EFCC1: variants seen among roughly 807,000 people sequenced by gnomAD.
The protein encoded by EFCC1 is EF-hand and coiled-coil domain containing 1, also known as EF-hand and coiled-coil domain-containing protein 1.
Under a neutral mutation model 52.1 loss-of-function variants are expected in EFCC1, and 50 were observed. The ratio of observed to expected loss-of-function variants is 0.96; its 90% CI spans 0.76 to 1.21. The LOEUF (loss-of-function observed/expected upper bound fraction) is 1.21, where lower values mean the gene tolerates loss of function less well. Ranked by LOEUF, EFCC1 falls within the 50% of genes most tolerant of loss-of-function variation. The pLI is 0.00. For synonymous variants in EFCC1, 399 were observed against 396.5 expected, an observed-to-expected ratio of 1.01 and a Z score of -0.08; for missense variants, 837 against 867.3, an observed-to-expected ratio of 0.97 and a Z score of 0.44.
In EFCC1 at chr3:129,034,320, T is replaced by TAGAG. The variant is rs758937555; in HGVS notation, c.1443_1444insAGAG (p.Glu482ArgfsTer15). 3 of 1,613,694 alleles carry TAGAG rather than the reference T, an allele frequency of 1.9e-6. No homozygotes were observed. The highest frequency in any genetic ancestry group is 2.5e-6 in the Non-Finnish European group (3 of 1,179,882). On this transcript the variant is annotated frameshift_variant, in exon 5 of 8. Transcript: ENST00000683648. LOFTEE classifies it high-confidence loss of function. ...GCGGTGGGAGGACCCTGGGGACCTC[T>TAGAG]GAGGAGGAGGTCAGCAGAGCCTAGA...
At chr3:129,020,900 T>C (rs1430004721) in intron 2 of EFCC1, among the ~76,000 whole-genome samples, 2 of 152,088 alleles carry the variant, frequency 1.3e-5, no homozygotes, top group Admixed American at 1.3e-4. Flanking sequence ...AGCCTCCAAG[T>C]CCAAACCCAC....
intron 2 of EFCC1, 25 bp downstream of exon 2, chr3:129,004,102 C>A: frequency 1.4e-6 from 2 of 1,466,396 alleles, no homozygotes; most frequent in Non-Finnish European, 1.8e-6. Context: ...GTGCCCTGGG[C>A]CCAAGTTCCC....
rs762773396 is a variant in EFCC1, at chr3:129,037,019, C to T, written c.1495C>T (p.Leu499=). 1 of 1,613,976 alleles carries T rather than the reference C, an allele frequency of 6.2e-7. No individual in the cohort carries two copies. Among genetic ancestry groups the T allele is most frequent in the Non-Finnish European group, 8.5e-7 (1 of 1,180,000 alleles). The change falls in exon 6 of 8, where the codon CTG becomes TTG. Residue 499 remains leucine, a synonymous_variant. Transcript: ENST00000683648. The part of the protein sequence containing the change: ...QKVEENEHLR[L]ELQMVETERV... ...GGTGGAAGAGAATGAGCACCTGAGG[C>T]TGGAGCTGCAGATGGTAGAGACCGA... is the stretch of plus-strand genomic sequence containing the variant.
At position 129,001,619 on chromosome 3, in the gene EFCC1, C is replaced by CCT; in HGVS notation, c.-10_-9insCT. The CCT allele has an allele frequency of 7.4e-7, 1 of 1,351,188 alleles. No homozygotes were observed. Among genetic ancestry groups the CCT allele is most frequent in the Non-Finnish European group, 9.5e-7 (1 of 1,056,764 alleles). The allele number at this position is 1,351,188 out of a possible 1,614,324, so 83.7% of individuals were successfully genotyped here. A position where few individuals can be genotyped will look rare whatever the true frequency, so the allele number is the denominator to read the frequency against. On this transcript the variant is annotated 5_prime_UTR_variant, in exon 1 of 8. Coordinates refer to ENST00000683648, the MANE Select transcript of EFCC1 (RefSeq NM_001377500.1). ...GGAGGGACCGGAGGAGCGAGGCGCG[C>CCT]GGCGCAGCGATGGAGCCGGTCAGCA...
intron 5 of EFCC1, among the ~76,000 whole-genome samples, chr3:129,035,447 G>A (rs1576785201): frequency 6.6e-6 from 1 of 152,334 alleles, no homozygotes; most frequent in Admixed American, 6.5e-5. Flanking sequence ...AGTCACTGGG[G>A]GCAGGAGGGA....
intron 2 of EFCC1, 75 bp downstream of exon 2, chr3:129,004,152 C>T: frequency 7.3e-7 from 1 of 1,365,806 alleles, no homozygotes. Context: ...GGTGTGCAAT[C>T]CCCCTCCCAC....
intron 2 of EFCC1, among the ~76,000 whole-genome samples, chr3:129,007,187 A>G (rs725132): frequency 0.071 from 10,876 of 152,230 alleles, 1,037 homozygotes; most frequent in African/African-American, 0.22. Flanking sequence ...CCCCAGAAAC[A>G]TCGGCCGGAC....
chr3:129,004,074 A>G lies in EFCC1; in HGVS notation c.977A>G (p.Tyr326Cys), dbSNP rs907876182. The G allele has an allele frequency of 8.0e-6, 12 of 1,500,978 alleles. No homozygotes were observed. Among genetic ancestry groups the G allele is most frequent in the Admixed American group, 4.3e-5 (2 of 46,832 alleles). 93.0% of individuals were successfully genotyped at this position (1,500,978 alleles called of 1,614,324 possible). A position where few individuals can be genotyped will look rare whatever the true frequency, so the allele number is the denominator to read the frequency against. ...VRRLEAELQRYRSEDSQLPTP... is the reference protein window; with the variant it reads ...VRRLEAELQRCRSEDSQLPTP... ...CGGCTGGAGGCGGAGCTGCAACGCT[A>G]CAGGTGAGCGGGGGCGCGTGCCCTG... is the stretch of plus-strand genomic sequence containing the variant. The change falls in exon 2 of 8, where the codon TAC (tyrosine) becomes TGC (cysteine). Residue 326 changes from tyrosine to cysteine, a missense_variant. Coordinates refer to ENST00000683648, the MANE Select transcript of EFCC1 (RefSeq NM_001377500.1).
At chr3:129,013,744 C>G (rs932791908) in intron 2 of EFCC1, among the ~76,000 whole-genome samples, 1 of 152,226 alleles carries the variant, frequency 6.6e-6, no homozygotes, top group Non-Finnish European at 1.5e-5. Context: ...CTAGACCTGG[C>G]TAAAACATTC....
At chr3:129,031,625 G>C (rs1946274412) in intron 3 of EFCC1, among the ~76,000 whole-genome samples, 1 of 152,198 alleles carries the variant, frequency 6.6e-6, no homozygotes, top group Non-Finnish European at 1.5e-5. Context: ...AAAAGAGAAT[G>C]TATTGGTTCA....
At chr3:129,018,726 C>G (rs1945697422) in intron 2 of EFCC1, among the ~76,000 whole-genome samples, 1 of 152,232 alleles carries the variant, frequency 6.6e-6, no homozygotes, top group African/African-American at 2.4e-5. Context: ...ACACGCCTTC[C>G]TGCCCTTCAG....
chr3:129,012,223 A>C (rs1945360803), intron 2 of EFCC1, among the ~76,000 whole-genome samples: 1 of 152,238 alleles, frequency 6.6e-6, no homozygotes, highest in Non-Finnish European at 1.5e-5. Context: ...CATCTGGAGA[A>C]TAGGTTAGTT....
At chr3:129,018,785 C>G (rs1205263720) in intron 2 of EFCC1, among the ~76,000 whole-genome samples, 1 of 152,200 alleles carries the variant, frequency 6.6e-6, no homozygotes, top group African/African-American at 2.4e-5. Flanking sequence ...GGGATGTGTT[C>G]TTGCGAAGTG....
chr3:129,007,279 G>A (rs1275818296), intron 2 of EFCC1, among the ~76,000 whole-genome samples: 1 of 152,196 alleles, frequency 6.6e-6, no homozygotes, highest in African/African-American at 2.4e-5. Flanking sequence ...AGATGTCCGT[G>A]ACTATTGAGC....
rs367549770 is a variant in EFCC1, at chr3:129,022,757, G to A, written c.981-7946G>A. ...TTCAGTAATGCCTGTTGAGTGACAAGTGTCTCTGCAGCTCACAGAAGGCCC... is the reference window on the plus strand; with the variant it reads ...TTCAGTAATGCCTGTTGAGTGACAAATGTCTCTGCAGCTCACAGAAGGCCC... On this transcript the variant is annotated intron_variant, in intron 2 of 7. Transcript: ENST00000683648. 2.4e-4 allele frequency among the ~76,000 whole-genome samples: 36 copies of A among 152,352 alleles called. 1 individual carries two copies. Among genetic ancestry groups the A allele is most frequent in the East Asian group, 9.6e-4 (5 of 5,184 alleles).
chr3:129,026,744 C>T lies in EFCC1; in HGVS notation c.981-3959C>T, dbSNP rs374609704. Among the ~76,000 whole-genome samples the T allele has an allele frequency of 1.1e-4, 17 of 152,266 alleles. 1 individual carries two copies. The South Asian group carries it at 3.5e-3, about 32-fold the overall frequency. ...CTGGAGCCTGTGGAGTAGGGAGATA[C>T]TGGCACCTCCCCAGTGAGATCTCAA... On this transcript the variant is annotated intron_variant, in intron 2 of 7. Coordinates refer to ENST00000683648, the MANE Select transcript of EFCC1 (RefSeq NM_001377500.1).
At chr3:129,013,407 A>G (rs1398440571) in intron 2 of EFCC1, among the ~76,000 whole-genome samples, 2 of 152,200 alleles carry the variant, frequency 1.3e-5, no homozygotes, top group Admixed American at 6.5e-5. Flanking sequence ...TCTCAAGCGT[A>G]TATAGCTTCA....
At chr3:129,017,777 T>C (rs1945654544) in intron 2 of EFCC1, among the ~76,000 whole-genome samples, 1 of 152,206 alleles carries the variant, frequency 6.6e-6, no homozygotes, top group Non-Finnish European at 1.5e-5. Context: ...CAGAACATCA[T>C]GCCATCTCTG....
chr3:129,002,867 C>G (rs948425587), intron 1 of EFCC1, among the ~76,000 whole-genome samples: 1 of 152,190 alleles, frequency 6.6e-6, no homozygotes, highest in African/African-American at 2.4e-5. Context: ...GTGGCTCACA[C>G]TGTGGATCAG....
Sources: gnomAD v4.1 joint callset for allele counts (sites outside exome capture counted in the v4.1 genomes callset) on GRCh38, gnomAD v4.1.1 for gene constraint, MANE v1.5 for transcripts, NCBI Gene and HGNC (gene_info 2026-07-23, HGNC 2026-07-21) for gene names.